Variants in CNTNAP2 observed in about 807,000 individuals in gnomAD.
CNTNAP2 encodes contactin-associated protein-like 2.
A neutral mutation model predicts 155.2 loss-of-function variants in CNTNAP2; 98 were observed. That is an observed-to-expected ratio of 0.63 (90% CI 0.54 to 0.75). The LOEUF (loss-of-function observed/expected upper bound fraction) is 0.75, where lower values mean the gene tolerates loss of function less well. Among genes scored for constraint, CNTNAP2 ranks in the 30% least tolerant of loss-of-function variants. CNTNAP2 has a pLI of 0.00. For synonymous variants in CNTNAP2, 651 were observed against 631.2 expected (o/e 1.03, Z -0.47); for missense variants, 1,727 against 1,688.1 (o/e 1.02, Z -0.40).
chr7:146,410,546 A>G (rs919687387), intron 1 of CNTNAP2, among the ~76,000 whole-genome samples: 1 of 152,180 alleles, frequency 6.6e-6, no homozygotes, highest in South Asian at 2.1e-4. Context: ...CAGGCTTGTT[A>G]TATAGGTAAA....
At chr7:146,692,970 C>G (rs1177127503) in intron 1 of CNTNAP2, among the ~76,000 whole-genome samples, 1 of 152,062 alleles carries the variant, frequency 6.6e-6, no homozygotes, top group African/African-American at 2.4e-5. Flanking sequence ...GTATTCCTTA[C>G]CTTGAACTAT....
Position 146,551,649 on chromosome 7 carries a change from G to A in CNTNAP2, c.98-222622G>A, listed in dbSNP as rs573422747. Among the ~76,000 whole-genome samples, 19 of 152,132 alleles carry A rather than the reference G, an allele frequency of 1.2e-4. No homozygotes were observed. In the East Asian group the frequency reaches 3.7e-3, roughly 29 times the overall value. On this transcript the variant is annotated intron_variant, in intron 1 of 23. Transcript: ENST00000361727. The stretch of plus-strand genomic sequence containing the variant: ...GCCAAAAGACACTAAAAAAATGAAT[G>A]AAAGAAACCCATGCCTTATCTCTTG...
chr7:146,842,554 G>T (rs1054908627), intron 3 of CNTNAP2, among the ~76,000 whole-genome samples: 1 of 152,026 alleles, frequency 6.6e-6, no homozygotes, highest in African/African-American at 2.4e-5. Context: ...ATTGACTCAC[G>T]TTTCCACAGG....
intron 17 of CNTNAP2, among the ~76,000 whole-genome samples, chr7:148,171,748 A>C (rs1480457763): frequency 1.3e-5 from 2 of 152,186 alleles, no homozygotes; most frequent in African/African-American, 4.8e-5. Flanking sequence ...ATGAACTTAA[A>C]AGCAAAGCCT....
intron 8 of CNTNAP2, among the ~76,000 whole-genome samples, chr7:147,212,546 G>C (rs1381585534): frequency 3.3e-5 from 5 of 152,024 alleles, no homozygotes; most frequent in Admixed American, 3.3e-4. Context: ...GGTACTCATT[G>C]ACAAAAAGAT....
chr7:148,318,828 A>G (rs991240471), intron 21 of CNTNAP2, among the ~76,000 whole-genome samples: 2 of 152,244 alleles, frequency 1.3e-5, no homozygotes, highest in Non-Finnish European at 2.9e-5. Context: ...GCAGAGAGAA[A>G]AGAGGAACAC....
intron 1 of CNTNAP2, among the ~76,000 whole-genome samples, chr7:146,516,500 T>C (rs764473387): frequency 6.6e-6 from 1 of 152,054 alleles, no homozygotes; most frequent in Non-Finnish European, 1.5e-5. Flanking sequence ...GGTCTGGGAA[T>C]GGGCATTTTG....
At chr7:146,484,678 C>T (rs944265743) in intron 1 of CNTNAP2, among the ~76,000 whole-genome samples, 4 of 152,094 alleles carry the variant, frequency 2.6e-5, no homozygotes, top group African/African-American at 9.7e-5. Flanking sequence ...TACATGTCTG[C>T]TTTGAAAGCA....
chr7:148,103,523 G>A (rs1056715900), intron 15 of CNTNAP2, among the ~76,000 whole-genome samples: 2 of 152,080 alleles, frequency 1.3e-5, no homozygotes, highest in Non-Finnish European at 2.9e-5. Context: ...TAAAACTTCT[G>A]TTAGTCTTAA....
chr7:146,494,504 A>G (rs983385902), intron 1 of CNTNAP2, among the ~76,000 whole-genome samples: 2 of 152,124 alleles, frequency 1.3e-5, no homozygotes, highest in Admixed American at 1.3e-4. Context: ...CTGTTACAAA[A>G]TGTTTACTTA....
chr7:146,155,818 A>G (rs1425579350), intron 1 of CNTNAP2, among the ~76,000 whole-genome samples: 1 of 151,474 alleles, frequency 6.6e-6, no homozygotes, highest in African/African-American at 2.4e-5. Context: ...TCCTGCCTCA[A>G]CCTCCCAAGT....
intron 9 of CNTNAP2, among the ~76,000 whole-genome samples, chr7:147,331,809 C>T (rs1461147458): frequency 6.6e-6 from 1 of 152,190 alleles, no homozygotes; most frequent in African/African-American, 2.4e-5. Flanking sequence ...GCCCCTTGTT[C>T]ATCTCATTGC....
intron 13 of CNTNAP2, among the ~76,000 whole-genome samples, chr7:147,900,795 G>A (rs2538967): frequency 0.3 from 46,010 of 151,906 alleles, 7,114 homozygotes; most frequent in Middle Eastern, 0.43. Flanking sequence ...AAATCATTCC[G>A]TTTTTGAAAT....
chr7:148,007,612 TA>T (rs2116901040), intron 15 of CNTNAP2, among the ~76,000 whole-genome samples: 1 of 152,284 alleles, frequency 6.6e-6, no homozygotes, highest in African/African-American at 2.4e-5. Flanking sequence ...AAGAACTGAC[TA>T]GGGTACTTGA....
chr7:147,014,793 T>C (rs1156777265), intron 3 of CNTNAP2, among the ~76,000 whole-genome samples: 1 of 152,156 alleles, frequency 6.6e-6, no homozygotes, highest in Non-Finnish European at 1.5e-5. Flanking sequence ...GAAGAGGCCA[T>C]CTGTAATACA....
chr7:147,930,589 G>A (rs1800482935), intron 14 of CNTNAP2, among the ~76,000 whole-genome samples: 1 of 152,170 alleles, frequency 6.6e-6, no homozygotes, highest in Non-Finnish European at 1.5e-5. Flanking sequence ...AGCAAACACT[G>A]ATGGAACTGA....
At chr7:146,128,151 T>G (rs572344788) in intron 1 of CNTNAP2, among the ~76,000 whole-genome samples, 2 of 152,282 alleles carry the variant, frequency 1.3e-5, no homozygotes, top group African/African-American at 2.4e-5. Flanking sequence ...TAGTCCACAA[T>G]CTGCATGAGC....
At chr7:147,682,434 A>C (rs141137978) in intron 13 of CNTNAP2, among the ~76,000 whole-genome samples, 2,498 of 152,068 alleles carry the variant, frequency 0.016, 223 homozygotes, top group Admixed American at 0.15. Context: ...ATGGTATTTT[A>C]TAATAAAGGA....
At chr7:147,838,626 A>C (rs1798670456) in intron 13 of CNTNAP2, among the ~76,000 whole-genome samples, 1 of 152,204 alleles carries the variant, frequency 6.6e-6, no homozygotes, top group Non-Finnish European at 1.5e-5. Context: ...AAAGCATAAA[A>C]AGAATCACCT....
Sources: gnomAD v4.1 joint callset for allele counts (sites outside exome capture counted in the v4.1 genomes callset) on GRCh38, gnomAD v4.1.1 for gene constraint, MANE v1.5 for transcripts, NCBI Gene and HGNC (gene_info 2026-07-23, HGNC 2026-07-21) for gene names.